The following SH3RF1 variants were observed in gnomAD, a reference collection of about 807,000 sequenced individuals.
SH3RF1 encodes the protein E3 ubiquitin-protein ligase SH3RF1.
In SH3RF1, 32 loss-of-function variants were observed where a neutral mutation model predicts 74.0. The ratio of observed to expected loss-of-function variants is 0.43; its 90% CI spans 0.33 to 0.58. The LOEUF (loss-of-function observed/expected upper bound fraction) is 0.58, where lower values mean the gene tolerates loss of function less well. Among genes scored for constraint, SH3RF1 ranks in the 20% least tolerant of loss-of-function variants. The pLI is 0.05. For synonymous variants in SH3RF1, 396 were observed against 439.6 expected, an observed-to-expected ratio of 0.90 and a Z score of 1.24; for missense variants, 954 against 1,130.9, an observed-to-expected ratio of 0.84 and a Z score of 2.24.
intron 4 of SH3RF1, among the ~76,000 whole-genome samples, chr4:169,143,199 T>C (rs890508193): frequency 3.3e-5 from 5 of 152,214 alleles, no homozygotes; most frequent in Non-Finnish European, 7.3e-5. Context: ...GGAATTTAGA[T>C]TTTTTGGTAG....
chr4:169,230,052 A>G (rs556567999), intron 2 of SH3RF1, among the ~76,000 whole-genome samples: 1 of 148,568 alleles, frequency 6.7e-6, no homozygotes, highest in African/African-American at 2.5e-5. Context: ...CTATAAATAC[A>G]AAAATTAGCC....
intron 6 of SH3RF1, among the ~76,000 whole-genome samples, chr4:169,124,363 A>G (rs1489285172): frequency 6.6e-6 from 1 of 152,256 alleles, no homozygotes; most frequent in African/African-American, 2.4e-5. Flanking sequence ...CTTTTGTAAT[A>G]TAAATAAAAT....
At chr4:169,191,068 T>C (rs1401759891) in intron 2 of SH3RF1, among the ~76,000 whole-genome samples, 1 of 152,120 alleles carries the variant, frequency 6.6e-6, no homozygotes, top group Admixed American at 6.5e-5. Flanking sequence ...ACAAGGGACA[T>C]ACCTCAATGT....
At chr4:169,189,785 G>A (rs1734669540) in intron 2 of SH3RF1, among the ~76,000 whole-genome samples, 2 of 152,102 alleles carry the variant, frequency 1.3e-5, no homozygotes, top group African/African-American at 4.8e-5. Flanking sequence ...TAAGGCTGAA[G>A]GGAGATCAAG....
intron 2 of SH3RF1, among the ~76,000 whole-genome samples, chr4:169,220,739 A>G (rs2127001452): frequency 6.6e-6 from 1 of 152,364 alleles, no homozygotes; most frequent in South Asian, 2.1e-4. Context: ...GCTTGAACAT[A>G]CTAACAATCT....
At chr4:169,257,559 C>T (rs1019745133) in intron 2 of SH3RF1, among the ~76,000 whole-genome samples, 2 of 152,204 alleles carry the variant, frequency 1.3e-5, no homozygotes, top group Non-Finnish European at 2.9e-5. Flanking sequence ...CAGTTACCTG[C>T]CTCCCCGCTC....
chr4:169,140,271 T>A (rs1259473118), intron 4 of SH3RF1, among the ~76,000 whole-genome samples: 1 of 152,200 alleles, frequency 6.6e-6, no homozygotes, highest in Admixed American at 6.5e-5. Context: ...TTTAGTAGAA[T>A]TTTGATAAAA....
At chr4:169,208,509 T>C (rs1473622615) in intron 2 of SH3RF1, among the ~76,000 whole-genome samples, 1 of 152,216 alleles carries the variant, frequency 6.6e-6, no homozygotes, top group Non-Finnish European at 1.5e-5. Context: ...AGTGTATGTG[T>C]ATGATATAAT....
At chr4:169,166,877 A>G (rs1734254488) in intron 2 of SH3RF1, 1 of 288,266 alleles carries the variant, frequency 3.5e-6, no homozygotes, top group Admixed American at 4.4e-5. Flanking sequence ...GGTATCTGCA[A>G]TGTAAAAATC....
Position 169,136,468 on chromosome 4 carries a change from A to G in SH3RF1, c.918T>C (p.Thr306=). Residue 306 remains threonine (T), a synonymous_variant, in exon 5 of 12, where the codon ACT becomes ACC. Transcript: ENST00000284637. The stretch of plus-strand genomic sequence containing the variant: ...AGGACTTGTTGGCCATAGTGAGGGA[A>G]GTGAAGGAGTGCCGCTTTTTGGTGT... ...KKNTKKRHSF[T]SLTMANKSSQ... 1 of 1,612,590 alleles carries G rather than the reference A, an allele frequency of 6.2e-7. No individual in the cohort carries two copies. The highest frequency in any genetic ancestry group is 8.5e-7 in the Non-Finnish European group (1 of 1,179,380).
chr4:169,195,751 TGTGCA>T (rs1023894896), intron 2 of SH3RF1, among the ~76,000 whole-genome samples: 1 of 152,226 alleles, frequency 6.6e-6, no homozygotes, highest in African/African-American at 2.4e-5. Context: ...GTTATAATAA[TGTGCA>T]GTTCTAGAAT....
chr4:169,161,848 A>C (rs1734152985), intron 2 of SH3RF1, among the ~76,000 whole-genome samples: 1 of 152,186 alleles, frequency 6.6e-6, no homozygotes, highest in South Asian at 2.1e-4. Context: ...CACACAGAGT[A>C]AGAAGTAGAA....
At chr4:169,249,779 G>A (rs1731068009) in intron 2 of SH3RF1, among the ~76,000 whole-genome samples, 1 of 152,126 alleles carries the variant, frequency 6.6e-6, no homozygotes, top group Non-Finnish European at 1.5e-5. Flanking sequence ...GTAACTGTGA[G>A]GCATATGACT....
At chr4:169,127,241 T>A (rs1375008083) in intron 6 of SH3RF1, among the ~76,000 whole-genome samples, 1 of 152,240 alleles carries the variant, frequency 6.6e-6, no homozygotes, top group Non-Finnish European at 1.5e-5. Flanking sequence ...ATAACTTCGT[T>A]CTGCATAAAA....
rs1192462722 is a variant in SH3RF1 at position 169,218,316 on chromosome 4, A to AAT, written c.393+50502_393+50503dup. Reference sequence around the variant, plus strand: ...TATATAATATAAATATAGAATATAGAATATAGAATACAGATTATAGAATAT... The same window carrying AAT: ...TATATAATATAAATATAGAATATAGAATATATAGAATACAGATTATAGAATAT... On this transcript the variant is annotated intron_variant, in intron 2 of 11. Transcript: ENST00000284637. Among the ~76,000 whole-genome samples, 498 of 97,886 alleles carry AAT rather than the reference A, an allele frequency of 5.1e-3. 3 individuals carry two copies. The highest frequency in any genetic ancestry group is 0.014 in the African/African-American group (484 of 33,520). 64.2% of individuals were successfully genotyped at this position (97,886 alleles called of 152,430 possible). A position where few individuals can be genotyped will look rare whatever the true frequency, so the allele number is the denominator to read the frequency against.
intron 2 of SH3RF1, among the ~76,000 whole-genome samples, chr4:169,228,003 T>C (rs558400654): frequency 6.6e-6 from 1 of 152,344 alleles, no homozygotes; most frequent in East Asian, 1.9e-4. Flanking sequence ...AGGATTTCAT[T>C]TCCTATAAAA....
intron 10 of SH3RF1, 31 bp from the exon 11 acceptor site, chr4:169,107,236 G>A: frequency 6.6e-7 from 1 of 1,505,232 alleles, no homozygotes; most frequent in East Asian, 2.3e-5. Flanking sequence ...GCCTTAGTTG[G>A]AGAATGACAG....
At chr4:169,243,468 G>A (rs544181235) in intron 2 of SH3RF1, among the ~76,000 whole-genome samples, 5 of 152,148 alleles carry the variant, frequency 3.3e-5, no homozygotes, top group Non-Finnish European at 5.9e-5. Flanking sequence ...AGCCAAGATC[G>A]TGCCACTGCA....
At chr4:169,212,191 A>G (rs1035579910) in intron 2 of SH3RF1, among the ~76,000 whole-genome samples, 1 of 149,944 alleles carries the variant, frequency 6.7e-6, no homozygotes, top group Middle Eastern at 3.2e-3. Flanking sequence ...CAGCCTCCCA[A>G]GTAGCTGGGA....
Sources: allele counts gnomAD v4.1 joint callset (sites outside exome capture counted in the v4.1 genomes callset), GRCh38; gene constraint gnomAD v4.1.1; transcripts MANE v1.5; gene names NCBI Gene and HGNC (gene_info 2026-07-23, HGNC 2026-07-21).